Variants in ZKSCAN3 observed in about 807,000 individuals in gnomAD.
ZKSCAN3 encodes zinc finger with KRAB and SCAN domains 3.
In ZKSCAN3, 21 loss-of-function variants were observed where a neutral mutation model predicts 30.7. The ratio of observed to expected loss-of-function variants is 0.68; its 90% CI spans 0.49 to 0.99. ZKSCAN3 has a LOEUF of 0.99. Among genes scored for constraint, ZKSCAN3 ranks in the 50% least tolerant of loss-of-function variants. The pLI is 0.00. For missense variants in ZKSCAN3, 507 were observed against 647.1 expected, an observed-to-expected ratio of 0.78 and a Z score of 2.35; for synonymous variants, 201 against 246.7, an observed-to-expected ratio of 0.81 and a Z score of 1.73.
chr6:28,364,666 G>C (rs2113929921), intron 5 of ZKSCAN3, among the ~76,000 whole-genome samples: 1 of 152,288 alleles, frequency 6.6e-6, no homozygotes. Context: ...CGAGACAACT[G>C]TCTTTATCGT....
intron 1 of ZKSCAN3, chr6:28,353,316 A>T (rs1765186408): frequency 6.5e-6 from 1 of 154,400 alleles, no homozygotes; most frequent in Admixed American, 6.4e-5. Context: ...AGAGGGACTT[A>T]CTGACATCCG....
At chr6:28,365,274 C>A in intron 5 of ZKSCAN3, 152 bp from the exon 6 acceptor site, 1 of 1,153,464 alleles carries the variant, frequency 8.7e-7, no homozygotes, top group Non-Finnish European at 1.2e-6. Flanking sequence ...CCCAGCACTC[C>A]TGTTCTCCCC....
chr6:28,360,732 G>C (rs1378978610), intron 2 of ZKSCAN3: 2 of 985,346 alleles, frequency 2.0e-6, no homozygotes, highest in African/African-American at 3.5e-5. Context: ...CCCAAGGCCT[G>C]TAACAGTGGA....
At chr6:28,365,396 G>A (rs367613776) in intron 5 of ZKSCAN3, 30 bp from the exon 6 acceptor site, 1 of 1,580,656 alleles carries the variant, frequency 6.3e-7, no homozygotes, top group Non-Finnish European at 8.6e-7. Context: ...CATGGCATAA[G>A]CCACAGTTGC....
Position 28,359,781 on chromosome 6 carries a change from T to TCGGCTC in ZKSCAN3, c.198_203dup (p.Leu67_Arg68dup), listed in dbSNP as rs1765659549. 2 of 1,614,092 alleles carry TCGGCTC rather than the reference T, an allele frequency of 1.2e-6. No homozygotes were observed. The highest frequency in any genetic ancestry group is 1.7e-6 in the Non-Finnish European group (2 of 1,179,996). ...CTGCAGGCCCCCGCGAGGCGCTGAGTCGGCTCCGAGAGCTCTGCCGACAGT... is the reference window on the plus strand; with the variant it reads ...CTGCAGGCCCCCGCGAGGCGCTGAGTCGGCTCCGGCTCCGAGAGCTCTGCCGACAGT... On this transcript the variant is annotated inframe_insertion, in exon 2 of 6. Coordinates refer to ENST00000252211, the MANE Select transcript of ZKSCAN3 (RefSeq NM_024493.4).
At chr6:28,364,991 C>T (rs888866841) in intron 5 of ZKSCAN3, among the ~76,000 whole-genome samples, 1 of 152,160 alleles carries the variant, frequency 6.6e-6, no homozygotes, top group Non-Finnish European at 1.5e-5. Context: ...GCCTCCCAGT[C>T]GCTGTTTCTC....
chr6:28,366,215 G>T lies in ZKSCAN3; in HGVS notation c.1547G>T (p.Gly516Val). The T allele has an allele frequency of 6.4e-7, 1 of 1,574,118 alleles. No individual in the cohort carries two copies. The highest frequency in any genetic ancestry group is 8.6e-7 in the Non-Finnish European group (1 of 1,165,926). ...TATCAGTGTAATGCGTGTGGAAAAG[G>T]CTTCACCCGAATTTCATACCTTGTT... Reference protein sequence around the residue: ...KPYQCNACGKGFTRISYLVQH... With the variant: ...KPYQCNACGKVFTRISYLVQH... The change falls in exon 6 of 6, where the codon GGC (glycine) becomes GTC (valine). Residue 516 changes from glycine to valine, a missense_variant. Gly to Val is a moderately radical substitution (Grantham distance 109). Coordinates refer to ENST00000252211, the MANE Select transcript of ZKSCAN3 (RefSeq NM_024493.4).
At position 28,359,789 on chromosome 6, in the gene ZKSCAN3, G is replaced by A; in HGVS notation, c.203G>A (p.Arg68Gln). The A allele has an allele frequency of 1.2e-6, 2 of 1,614,226 alleles. No individual in the cohort carries two copies. The highest frequency in any genetic ancestry group is 2.2e-5 in the East Asian group (1 of 44,892). The change falls in exon 2 of 6, where the codon CGA becomes CAA. Residue 68 changes from arginine (R) to glutamine (Q), a missense_variant. Physicochemically the swap from Arg to Gln is conservative, Grantham distance 43 (BLOSUM62 1). Transcript: ENST00000252211. The part of the protein sequence containing the change: ...AGPREALSRL[R>Q]ELCRQWLQPE... Reference sequence around the variant, plus strand: ...CCCCGCGAGGCGCTGAGTCGGCTCCGAGAGCTCTGCCGACAGTGGCTGCAG... The same window carrying A: ...CCCCGCGAGGCGCTGAGTCGGCTCCAAGAGCTCTGCCGACAGTGGCTGCAG...
Position 28,361,438 on chromosome 6 carries a change from G to T in ZKSCAN3, c.517G>T (p.Glu173Ter). 2 of 1,613,476 alleles carry T rather than the reference G, an allele frequency of 1.2e-6. No individual in the cohort carries two copies. The highest frequency in any genetic ancestry group is 1.7e-6 in the Non-Finnish European group (2 of 1,179,834). Reference sequence around the variant, plus strand: ...GCTAATGAAGGCTCTGCTCAAGCATGAATCTGTGGGATCCCAGCCTTTACA... The same window carrying T: ...GCTAATGAAGGCTCTGCTCAAGCATTAATCTGTGGGATCCCAGCCTTTACA... The part of the protein sequence containing the change: ...FQLMKALLKH[E>*]SVGSQPLQDR... The change falls in exon 3 of 6, where the codon GAA becomes TAA. Residue 173 changes from glutamate to a stop codon, truncating the protein, a stop_gained. Coordinates refer to ENST00000252211, the MANE Select transcript of ZKSCAN3 (RefSeq NM_024493.4). LOFTEE classifies it high-confidence loss of function.
intron 1 of ZKSCAN3, chr6:28,356,251 G>A (rs1274222810): frequency 3.3e-5 from 5 of 152,350 alleles, no homozygotes; most frequent in South Asian, 2.1e-4. Context: ...ACGCTCCGGC[G>A]GGACCTAGTT....
intron 2 of ZKSCAN3, 29 bp from the exon 3 acceptor site, chr6:28,361,295 A>C (rs1414102691): frequency 4.4e-6 from 7 of 1,607,226 alleles, no homozygotes; most frequent in Non-Finnish European, 5.9e-6. Context: ...TTTGATGAAA[A>C]CATGAAAATA....
rs776649494 is a variant in ZKSCAN3, at chr6:28,363,778, T to C, written c.720T>C (p.Asp240=). The change falls in exon 5 of 6, where the codon GAT becomes GAC. Residue 240 remains aspartate (D), a synonymous_variant. Transcript: ENST00000252211. ...QDSSQGNLCR[D]EKQENHGSLV... ...CATCTCAGGGGAATCTCTGTAGAGA[T>C]GAAAAGCAGGAGAACCATGGCAGCC... 6 of 1,613,844 alleles carry C rather than the reference T, an allele frequency of 3.7e-6. No individual in the cohort carries two copies. The East Asian group carries it at 1.3e-4, about 36-fold the overall frequency.
At position 28,359,787 on chromosome 6, in the gene ZKSCAN3, C is replaced by T. The variant is rs760370149; in HGVS notation, c.201C>T (p.Leu67=). ...GCCCCCGCGAGGCGCTGAGTCGGCT[C>T]CGAGAGCTCTGCCGACAGTGGCTGC... is the stretch of plus-strand genomic sequence containing the variant. The part of the protein sequence containing the change: ...AAGPREALSR[L]RELCRQWLQP... The change falls in exon 2 of 6, where the codon CTC becomes CTT. Residue 67 remains leucine (L), a synonymous_variant. Transcript: ENST00000252211. 6.6e-5 allele frequency: 106 copies of T among 1,614,104 alleles called. 1 individual carries two copies. Among genetic ancestry groups the T allele is most frequent in the Non-Finnish European group, 8.5e-5 (100 of 1,180,060 alleles).
rs755029953 is a variant in ZKSCAN3 at position 28,366,491 on chromosome 6, G to A, written c.*206G>A. On this transcript the variant is annotated 3_prime_UTR_variant, in exon 6 of 6. Coordinates refer to ENST00000252211, the MANE Select transcript of ZKSCAN3 (RefSeq NM_024493.4). ...CAAAACATATTTGATAGGAGGCTAC[G>A]GGAGAGTTGTCTAGAAGAGGTAAGA... 4.2e-6 allele frequency: 2 copies of A among 471,682 alleles called. No individual in the cohort carries two copies. The highest frequency in any genetic ancestry group is 7.0e-6 in the Non-Finnish European group (2 of 284,372). The allele number at this position is 471,682 out of a possible 1,614,324, so 29.2% of individuals were successfully genotyped here. A position where few individuals can be genotyped will look rare whatever the true frequency, so the allele number is the denominator to read the frequency against.
intron 1 of ZKSCAN3, among the ~76,000 whole-genome samples, chr6:28,358,899 GAAAAAAAAAAA>G (rs201554097): frequency 9.4e-6 from 1 of 106,076 alleles, no homozygotes; most frequent in African/African-American, 3.3e-5. Flanking sequence ...AAACAAATAA[GAAAAAAAAAAA>G]AAAAAAAAAA....
chr6:28,353,502 CATTACAA>C lies in ZKSCAN3; in HGVS notation c.-63+3437_-63+3443del, dbSNP rs1263099313. Reference sequence around the variant, plus strand: ...TCCCTCCTAAAATACAGAAATCATCCATTACAAAGTGATGACTCTGACGAAACCTGAT... The same window carrying C: ...TCCCTCCTAAAATACAGAAATCATCCAGTGATGACTCTGACGAAACCTGAT... On this transcript the variant is annotated intron_variant, in intron 1 of 5. Transcript: ENST00000252211. 1.8e-5 allele frequency: 3 copies of C among 170,210 alleles called. No individual in the cohort carries two copies. In the East Asian group the frequency reaches 4.7e-4, roughly 26 times the overall value. The allele number at this position is 170,210 out of a possible 1,614,324, so 10.5% of individuals were successfully genotyped here.
Position 28,359,544 on chromosome 6 carries a change from C to T in ZKSCAN3, c.-43C>T. On this transcript the variant is annotated 5_prime_UTR_variant, in exon 2 of 6. Transcript: ENST00000252211. ...TTTCAGGGATCTTCTGCAGAAATAG[C>T]GCTGGAAGCTAGAGTGAGGCCTGAG... The T allele has an allele frequency of 1.9e-6, 3 of 1,581,158 alleles. No individual in the cohort carries two copies. Among genetic ancestry groups the T allele is most frequent in the Non-Finnish European group, 1.7e-6 (2 of 1,162,644 alleles).
At position 28,367,981 on chromosome 6, in the gene ZKSCAN3, C is replaced by G. The variant is rs930060509; in HGVS notation, c.*1696C>G. The G allele has an allele frequency of 6.6e-6, 1 of 151,788 alleles. No homozygotes were observed. Among genetic ancestry groups the G allele is most frequent in the Admixed American group, 6.6e-5 (1 of 15,248 alleles). 9.4% of individuals were successfully genotyped at this position (151,788 alleles called of 1,614,324 possible). On this transcript the variant is annotated 3_prime_UTR_variant, in exon 6 of 6. Transcript: ENST00000252211. ...ATACATGTGCCATGTTGGTGTGCTG[C>G]ACCCATTAACTCGTCATTTACATTG...
chr6:28,354,018 T>C (rs2113900051), intron 1 of ZKSCAN3: 1 of 449,578 alleles, frequency 2.2e-6, no homozygotes, highest in Non-Finnish European at 4.5e-6. Flanking sequence ...TGTCTGCCTC[T>C]GTCTCGGCTG....
Sources: gnomAD v4.1 joint callset for allele counts (sites outside exome capture counted in the v4.1 genomes callset) on GRCh38, gnomAD v4.1.1 for gene constraint, MANE v1.5 for transcripts, NCBI Gene and HGNC (gene_info 2026-07-23, HGNC 2026-07-21) for gene names.